The following GRIN3A variants were observed in gnomAD, a reference collection of about 807,000 sequenced individuals.
GRIN3A encodes glutamate ionotropic receptor NMDA type subunit 3A, also known as glutamate receptor ionotropic, NMDA 3A.
In GRIN3A, 47 loss-of-function variants were observed where a neutral mutation model predicts 92.4. The observed-to-expected ratio is 0.51, with a 90% CI of 0.40 to 0.65. GRIN3A has a LOEUF of 0.65. Ranked by LOEUF, GRIN3A falls within the 30% of genes least tolerant of loss-of-function variation. The pLI is 0.00. For missense variants in GRIN3A, 1,324 were observed against 1,393.1 expected, an observed-to-expected ratio of 0.95 and a Z score of 0.79; for synonymous variants, 527 against 540.6, an observed-to-expected ratio of 0.97 and a Z score of 0.35.
In GRIN3A at chr9:101,627,115, T is replaced by C. The variant is rs910121676; in HGVS notation, c.2498+1141A>G. Among the ~76,000 whole-genome samples, 12 of 152,186 alleles carry C rather than the reference T, an allele frequency of 7.9e-5. No homozygotes were observed. In the East Asian group the frequency reaches 2.1e-3, roughly 27 times the overall value. ...CTACCCTGACATCTTATTCTTTCTC[T>C]CAACCATAAATTCGCCTGAAGAAGA... On this transcript the variant is annotated intron_variant, in intron 4 of 8. Coordinates refer to ENST00000361820, the MANE Select transcript of GRIN3A (RefSeq NM_133445.3).
At chr9:101,727,854 G>A (rs1002371063) in intron 1 of GRIN3A, among the ~76,000 whole-genome samples, 3 of 148,110 alleles carry the variant, frequency 2.0e-5, no homozygotes, top group African/African-American at 7.5e-5. Flanking sequence ...CTGTGTCTGT[G>A]GCCAGGTGAA....
chr9:101,598,085 A>G (rs1304868810), intron 6 of GRIN3A, among the ~76,000 whole-genome samples: 1 of 152,224 alleles, frequency 6.6e-6, no homozygotes, highest in Admixed American at 6.5e-5. Flanking sequence ...CTGTCTAATT[A>G]TATATGTACT....
chr9:101,669,297 T>A (rs1248616068), intron 3 of GRIN3A, among the ~76,000 whole-genome samples: 1 of 152,138 alleles, frequency 6.6e-6, no homozygotes, highest in Non-Finnish European at 1.5e-5. Flanking sequence ...AGAGAGAACA[T>A]GGAATGGCTG....
chr9:101,668,320 T>C (rs1829269941), intron 3 of GRIN3A, among the ~76,000 whole-genome samples: 2 of 152,214 alleles, frequency 1.3e-5, no homozygotes, highest in South Asian at 4.1e-4. Context: ...GTTCATCTTT[T>C]TACATAAGAT....
chr9:101,724,564 G>A (rs887958538), intron 1 of GRIN3A, among the ~76,000 whole-genome samples: 2 of 152,194 alleles, frequency 1.3e-5, no homozygotes, highest in African/African-American at 4.8e-5. Context: ...CCACAGTGCA[G>A]CGGTGGGCTG....
intron 4 of GRIN3A, among the ~76,000 whole-genome samples, chr9:101,626,175 A>G (rs947477201): frequency 2.6e-5 from 4 of 152,230 alleles, no homozygotes; most frequent in Non-Finnish European, 5.9e-5. Flanking sequence ...CTATTATAGA[A>G]TCATGCCCTG....
intron 8 of GRIN3A, among the ~76,000 whole-genome samples, chr9:101,575,760 A>G (rs1027741474): frequency 4.6e-5 from 7 of 152,226 alleles, no homozygotes; most frequent in African/African-American, 1.7e-4. Flanking sequence ...GAGCATTTGC[A>G]TAGATATACT....
chr9:101,695,143 G>A (rs1039795640), intron 1 of GRIN3A, among the ~76,000 whole-genome samples: 22 of 152,174 alleles, frequency 1.4e-4, no homozygotes, highest in African/African-American at 5.1e-4. Context: ...CCCAGAAAGT[G>A]TTAGTTTATA....
chr9:101,590,641 A>G (rs1218067666), intron 6 of GRIN3A, among the ~76,000 whole-genome samples: 1 of 151,980 alleles, frequency 6.6e-6, no homozygotes, highest in Non-Finnish European at 1.5e-5. Context: ...CGGCCTCCCA[A>G]AGTGCGGGGA....
chr9:101,628,005 G>A lies in GRIN3A; in HGVS notation c.2498+251C>T, dbSNP rs190570216. Among the ~76,000 whole-genome samples, 10 of 152,264 alleles carry A rather than the reference G, an allele frequency of 6.6e-5. No homozygotes were observed. In the East Asian group the frequency reaches 1.5e-3, roughly 24 times the overall value. ...TTCCTCCACCATCTGCTATGCTAAT[G>A]GCCCCACTGACTCTTTGAACAAAGC... On this transcript the variant is annotated intron_variant, in intron 4 of 8. Transcript: ENST00000361820.
At chr9:101,621,755 A>G (rs974317548) in intron 5 of GRIN3A, among the ~76,000 whole-genome samples, 1 of 152,180 alleles carries the variant, frequency 6.6e-6, no homozygotes, top group Non-Finnish European at 1.5e-5. Context: ...TTTTGACAAG[A>G]TAGAGTTGTC....
chr9:101,586,314 G>A (rs73505288), intron 6 of GRIN3A, among the ~76,000 whole-genome samples: 2,423 of 152,222 alleles, frequency 0.016, 81 homozygotes, highest in African/African-American at 0.055. Context: ...CATTTTGCTC[G>A]ATACATACTC....
At chr9:101,618,823 G>T (rs1828507478) in intron 5 of GRIN3A, among the ~76,000 whole-genome samples, 1 of 152,124 alleles carries the variant, frequency 6.6e-6, no homozygotes, top group African/African-American at 2.4e-5. Flanking sequence ...ATTGGTCAAA[G>T]AATTCTCATT....
chr9:101,604,834 G>C (rs1030747415), intron 6 of GRIN3A, among the ~76,000 whole-genome samples: 2 of 152,138 alleles, frequency 1.3e-5, no homozygotes, highest in African/African-American at 4.8e-5. Flanking sequence ...TGTGACTTGT[G>C]GGATTCCCTT....
intron 3 of GRIN3A, among the ~76,000 whole-genome samples, chr9:101,669,832 C>A (rs1459566388): frequency 1.3e-5 from 2 of 152,056 alleles, no homozygotes; most frequent in Admixed American, 1.3e-4. Flanking sequence ...GAAAGACCTA[C>A]TCTAGAAAAG....
rs569260889 is a variant in GRIN3A at position 101,581,844 on chromosome 9, A to G, written c.2767-2484T>C. Among the ~76,000 whole-genome samples the G allele has an allele frequency of 5.3e-5, 8 of 152,312 alleles. No individual in the cohort carries two copies. In the South Asian group the frequency reaches 1.5e-3, roughly 28 times the overall value. On this transcript the variant is annotated intron_variant, in intron 6 of 8. Coordinates refer to ENST00000361820, the MANE Select transcript of GRIN3A (RefSeq NM_133445.3). Reference sequence around the variant, plus strand: ...CTGGAAGCTTTTGGTCATCATTATCATTTATAATTATTTAGCATTGAATAT... The same window carrying G: ...CTGGAAGCTTTTGGTCATCATTATCGTTTATAATTATTTAGCATTGAATAT...
intron 5 of GRIN3A, among the ~76,000 whole-genome samples, chr9:101,615,953 G>C (rs2118853158): frequency 6.6e-6 from 1 of 152,276 alleles, no homozygotes; most frequent in African/African-American, 2.4e-5. Context: ...ATATGGCCCA[G>C]TTCTCCCTTA....
intron 8 of GRIN3A, among the ~76,000 whole-genome samples, chr9:101,577,495 T>G (rs1277452566): frequency 6.6e-6 from 1 of 152,208 alleles, no homozygotes; most frequent in Non-Finnish European, 1.5e-5. Context: ...AATAAGTGAC[T>G]TACACAAAGT....
chr9:101,582,284 A>G (rs551914263), intron 6 of GRIN3A, among the ~76,000 whole-genome samples: 2 of 152,288 alleles, frequency 1.3e-5, no homozygotes, highest in South Asian at 2.1e-4. Flanking sequence ...AGCCTAGCTC[A>G]GGAAATCTCT....
Sources: gnomAD v4.1 joint callset for allele counts (sites outside exome capture counted in the v4.1 genomes callset) on GRCh38, gnomAD v4.1.1 for gene constraint, MANE v1.5 for transcripts, NCBI Gene and HGNC (gene_info 2026-07-23, HGNC 2026-07-21) for gene names.